The following LRRC4C variants were observed in gnomAD, a reference collection of about 807,000 sequenced individuals.
LRRC4C encodes leucine-rich repeat-containing protein 4C.
Under a neutral mutation model 33.6 loss-of-function variants are expected in LRRC4C, and 5 were observed. The ratio of observed to expected loss-of-function variants is 0.15; its 90% CI spans 0.08 to 0.31. The LOEUF (loss-of-function observed/expected upper bound fraction) is 0.31. LRRC4C is among the 10% of genes least tolerant of loss of function. The pLI is 1.00. For synonymous variants in LRRC4C, 329 were observed against 302.0 expected, an observed-to-expected ratio of 1.09 and a Z score of -0.93; for missense variants, 560 against 796.7, an observed-to-expected ratio of 0.70 and a Z score of 3.58.
chr11:40,575,319 C>A, intron 3 of LRRC4C, among the ~76,000 whole-genome samples: 1 of 151,802 alleles, frequency 6.6e-6, no homozygotes, highest in Non-Finnish European at 1.5e-5. Flanking sequence ...TTTTATTACC[C>A]TTCTTTGGAG....
intron 2 of LRRC4C, among the ~76,000 whole-genome samples, chr11:40,894,420 C>A (rs999021840): frequency 3.9e-5 from 6 of 151,924 alleles, no homozygotes; most frequent in African/African-American, 1.5e-4. Flanking sequence ...ACACTGTGGC[C>A]AAATCTGTTA....
At chr11:40,710,833 G>C (rs575754017) in intron 2 of LRRC4C, among the ~76,000 whole-genome samples, 13 of 152,158 alleles carry the variant, frequency 8.5e-5, no homozygotes, top group African/African-American at 2.7e-4. Context: ...GGCAGGCCTC[G>C]TTGAGCTGAG....
intron 4 of LRRC4C, among the ~76,000 whole-genome samples, chr11:40,265,202 T>C (rs1187124058): frequency 6.6e-6 from 1 of 152,202 alleles, no homozygotes; most frequent in Non-Finnish European, 1.5e-5. Context: ...TGTGCCCATG[T>C]TTTTTCCCTG....
chr11:40,907,883 C>T (rs1956492072), intron 2 of LRRC4C, among the ~76,000 whole-genome samples: 1 of 152,080 alleles, frequency 6.6e-6, no homozygotes, highest in African/African-American at 2.4e-5. Flanking sequence ...GAAACCCTGT[C>T]AAAAAGATCT....
chr11:40,114,251 T>G lies in LRRC4C; in HGVS notation c.*119A>C, dbSNP rs1415983587. 3.6e-6 allele frequency: 4 copies of G among 1,123,672 alleles called. No individual in the cohort carries two copies. The highest frequency in any genetic ancestry group is 4.9e-6 in the Non-Finnish European group (4 of 824,638). 69.6% of individuals were successfully genotyped at this position (1,123,672 alleles called of 1,614,324 possible). A position where few individuals can be genotyped will look rare whatever the true frequency, so the allele number is the denominator to read the frequency against. On this transcript the variant is annotated 3_prime_UTR_variant, in exon 7 of 7. Coordinates refer to ENST00000528697, the MANE Select transcript of LRRC4C (RefSeq NM_001258419.2). Reference sequence around the variant, plus strand: ...TTTTTAATAAATAAATTTCTTTTCTTTTTTGTTTTTTTGTAAAGACACTTT... The same window carrying G: ...TTTTTAATAAATAAATTTCTTTTCTGTTTTGTTTTTTTGTAAAGACACTTT...
At chr11:40,143,841 T>C (rs545785379) in intron 5 of LRRC4C, among the ~76,000 whole-genome samples, 15 of 152,302 alleles carry the variant, frequency 9.8e-5, no homozygotes, top group Non-Finnish European at 1.6e-4. Flanking sequence ...ATATGGAGTT[T>C]ATATGATTTG....
intron 1 of LRRC4C, among the ~76,000 whole-genome samples, chr11:41,239,967 C>T (rs1329709272): frequency 6.6e-6 from 1 of 152,216 alleles, no homozygotes; most frequent in East Asian, 1.9e-4. Context: ...TAGAGCCTCA[C>T]ATAATTTTAC....
intron 5 of LRRC4C, among the ~76,000 whole-genome samples, chr11:40,182,088 C>T (rs1861053412): frequency 6.6e-6 from 1 of 152,110 alleles, no homozygotes; most frequent in South Asian, 2.1e-4. Context: ...TGTATTTCTG[C>T]CTATTAATTT....
chr11:40,730,346 A>C (rs910736520), intron 2 of LRRC4C, among the ~76,000 whole-genome samples: 7 of 152,152 alleles, frequency 4.6e-5, no homozygotes, highest in Non-Finnish European at 8.8e-5. Flanking sequence ...CAACCACTAC[A>C]TTTTTTCTGT....
chr11:40,902,774 C>T (rs571581005), intron 2 of LRRC4C, among the ~76,000 whole-genome samples: 58 of 152,244 alleles, frequency 3.8e-4, no homozygotes, highest in Middle Eastern at 6.8e-3. Context: ...CATACCTAGG[C>T]TCTAACTATC....
intron 1 of LRRC4C, among the ~76,000 whole-genome samples, chr11:41,021,633 T>G (rs779907412): frequency 1.3e-5 from 2 of 152,082 alleles, no homozygotes; most frequent in South Asian, 2.1e-4. Flanking sequence ...GAATGCCTTT[T>G]GAGAAATTAT....
chr11:40,833,566 C>T (rs746735144), intron 2 of LRRC4C, among the ~76,000 whole-genome samples: 2 of 151,914 alleles, frequency 1.3e-5, no homozygotes, highest in African/African-American at 2.4e-5. Flanking sequence ...TCATTGCACC[C>T]AAGGACCACA....
At chr11:40,479,701 T>C (rs1487985054) in intron 3 of LRRC4C, among the ~76,000 whole-genome samples, 1 of 152,148 alleles carries the variant, frequency 6.6e-6, no homozygotes, top group Non-Finnish European at 1.5e-5. Context: ...GTAACTGGTA[T>C]TGACTGATCA....
intron 5 of LRRC4C, among the ~76,000 whole-genome samples, chr11:40,231,538 A>G (rs181259083): frequency 2.0e-5 from 3 of 152,282 alleles, no homozygotes; most frequent in Admixed American, 6.5e-5. Flanking sequence ...TATTAAATGC[A>G]TATTTTGTGC....
At chr11:40,658,256 TTGCC>T (rs1249841949) in intron 2 of LRRC4C, among the ~76,000 whole-genome samples, 1 of 152,218 alleles carries the variant, frequency 6.6e-6, no homozygotes, top group South Asian at 2.1e-4. Flanking sequence ...CCCTTGGCTC[TTGCC>T]TACCATCTAG....
intron 3 of LRRC4C, among the ~76,000 whole-genome samples, chr11:40,575,277 A>G (rs1463150625): frequency 6.6e-6 from 1 of 152,190 alleles, no homozygotes; most frequent in African/African-American, 2.4e-5. Context: ...TTTGCTGCCT[A>G]CATTCTCATT....
intron 1 of LRRC4C, among the ~76,000 whole-genome samples, chr11:41,239,754 A>G (rs1271158031): frequency 1.3e-5 from 2 of 152,302 alleles, no homozygotes; most frequent in Non-Finnish European, 2.9e-5. Context: ...GGGATTTTGT[A>G]TATATATTGT....
intron 3 of LRRC4C, among the ~76,000 whole-genome samples, chr11:40,555,490 C>T (rs1037914190): frequency 1.3e-5 from 2 of 151,944 alleles, no homozygotes; most frequent in Non-Finnish European, 2.9e-5. Flanking sequence ...ATGAACATAC[C>T]TTTTATGAAC....
chr11:40,403,552 A>G (rs1414847996), intron 3 of LRRC4C, among the ~76,000 whole-genome samples: 2 of 152,106 alleles, frequency 1.3e-5, no homozygotes, highest in Non-Finnish European at 2.9e-5. Flanking sequence ...CATAAGGACA[A>G]GGTGGTCTAT....
Sources: gnomAD v4.1 joint callset for allele counts (sites outside exome capture counted in the v4.1 genomes callset) on GRCh38, gnomAD v4.1.1 for gene constraint, MANE v1.5 for transcripts, NCBI Gene and HGNC (gene_info 2026-07-23, HGNC 2026-07-21) for gene names.